The following GRIP1 variants were observed in gnomAD, a reference collection of about 807,000 sequenced individuals.
GRIP1 encodes glutamate receptor-interacting protein 1.
Under a neutral mutation model 129.9 loss-of-function variants are expected in GRIP1, and 45 were observed. The observed-to-expected ratio is 0.35, with a 90% confidence interval of 0.27 to 0.44. GRIP1 has a LOEUF of 0.44. GRIP1 is among the 20% of genes least tolerant of loss of function. The probability of loss-of-function intolerance (pLI) is 1.00; values close to 1 mark genes in which losing one functional copy is unlikely to be tolerated. For synonymous variants in GRIP1, 530 were observed against 520.8 expected (o/e 1.02, Z -0.24); for missense variants, 1,196 against 1,396.8 (o/e 0.86, Z 2.29).
chr12:66,910,123 A>G (rs1274672905), intron 1 of GRIP1, among the ~76,000 whole-genome samples: 1 of 152,152 alleles, frequency 6.6e-6, no homozygotes, highest in Admixed American at 6.6e-5. Flanking sequence ...AGCACATGAA[A>G]TATGAATTTC....
chr12:66,759,029 C>G (rs938133928), intron 1 of GRIP1, among the ~76,000 whole-genome samples: 2 of 152,200 alleles, frequency 1.3e-5, no homozygotes, highest in Admixed American at 1.3e-4. Flanking sequence ...GCTCTGCCCC[C>G]AGTAGGGACT....
chr12:66,521,966 A>T (rs1180893415), intron 5 of GRIP1, among the ~76,000 whole-genome samples: 2 of 152,062 alleles, frequency 1.3e-5, no homozygotes, highest in Non-Finnish European at 2.9e-5. Context: ...GGTGCCTGCC[A>T]TTGCCCAGGA....
intron 1 of GRIP1, among the ~76,000 whole-genome samples, chr12:67,034,444 A>T (rs974478081): frequency 1.3e-5 from 2 of 152,260 alleles, no homozygotes; most frequent in African/African-American, 2.4e-5. Flanking sequence ...ACAAACCCAT[A>T]CAGCCTGTTA....
At chr12:66,454,171 T>C (rs1565754899) in intron 11 of GRIP1, among the ~76,000 whole-genome samples, 1 of 151,980 alleles carries the variant, frequency 6.6e-6, no homozygotes, top group Non-Finnish European at 1.5e-5. Context: ...AGAAACTAGC[T>C]CCCAGTGTGG....
At position 66,946,771 on chromosome 12, in the gene GRIP1, GGT is replaced by G. The variant is rs1241820463; in HGVS notation, c.58+122277_58+122278del. On this transcript the variant is annotated intron_variant, in intron 1 of 1. Coordinates refer to the GRIP1 transcript ENST00000643019. ...CTTTGGGAGGCAGCGGGGGTCGGGG[GGT>G]GGGGTGGGGGATGGGGGGGGTGTGG... 2.2e-3 allele frequency among the ~76,000 whole-genome samples: 247 copies of G among 111,022 alleles called. 8 individuals are homozygous for G. The highest frequency in any genetic ancestry group is 0.02 in the East Asian group (54 of 2,714). 72.8% of individuals were successfully genotyped at this position (111,022 alleles called of 152,430 possible).
intron 2 of GRIP1, among the ~76,000 whole-genome samples, chr12:66,584,346 A>G (rs990717058): frequency 6.6e-5 from 10 of 152,042 alleles, no homozygotes; most frequent in Admixed American, 5.9e-4. Context: ...AGCATGGCAC[A>G]TGTATACATA....
chr12:66,892,179 G>A (rs2040671521), intron 1 of GRIP1, among the ~76,000 whole-genome samples: 1 of 152,114 alleles, frequency 6.6e-6, no homozygotes, highest in Non-Finnish European at 1.5e-5. Flanking sequence ...GGTAGTGACA[G>A]CTGGAGACTC....
At chr12:66,919,422 T>C (rs1183300700) in intron 1 of GRIP1, among the ~76,000 whole-genome samples, 1 of 152,184 alleles carries the variant, frequency 6.6e-6, no homozygotes, top group East Asian at 1.9e-4. Context: ...AAGAGCAAGG[T>C]GGATTCATTA....
Position 66,626,198 on chromosome 12 carries a change from G to C in GRIP1, c.56-29271C>G, listed in dbSNP as rs2140005819. The stretch of plus-strand genomic sequence containing the variant: ...AAAAACAAACAAAAACAATTGGCTA[G>C]CTATAGTGGCGTGCACCTGTGCTCC... On this transcript the variant is annotated intron_variant, in intron 1 of 24. Transcript: ENST00000359742. Among the ~76,000 whole-genome samples the C allele has an allele frequency of 2.0e-5, 3 of 152,140 alleles. No homozygotes were observed. In the South Asian group the frequency reaches 6.2e-4, roughly 32 times the overall value.
At chr12:66,549,373 C>A (rs1398053247) in intron 2 of GRIP1, among the ~76,000 whole-genome samples, 4 of 152,058 alleles carry the variant, frequency 2.6e-5, no homozygotes, top group Non-Finnish European at 5.9e-5. Context: ...TTAATTGTAC[C>A]AATGCCTTAG....
At chr12:66,864,867 G>C (rs1248911270) in intron 1 of GRIP1, among the ~76,000 whole-genome samples, 1 of 152,068 alleles carries the variant, frequency 6.6e-6, no homozygotes, top group Admixed American at 6.6e-5. Flanking sequence ...GAAATACATA[G>C]TCCACTGGCT....
chr12:66,408,328 A>C (rs1012574517), intron 15 of GRIP1, among the ~76,000 whole-genome samples: 5 of 151,980 alleles, frequency 3.3e-5, no homozygotes, highest in Non-Finnish European at 7.4e-5. Context: ...AAAATACAAA[A>C]GTTAGCCAGG....
chr12:66,744,608 G>A (rs2036888462), intron 1 of GRIP1, among the ~76,000 whole-genome samples: 1 of 152,100 alleles, frequency 6.6e-6, no homozygotes, highest in South Asian at 2.1e-4. Context: ...CAGACCTCCA[G>A]CTACATGTTA....
chr12:66,979,937 C>T (rs1387230527), intron 1 of GRIP1, among the ~76,000 whole-genome samples: 1 of 152,110 alleles, frequency 6.6e-6, no homozygotes, highest in Non-Finnish European at 1.5e-5. Flanking sequence ...TTTTGGACTT[C>T]TAACCTCCAG....
chr12:66,952,637 G>A (rs1950562087), intron 1 of GRIP1, among the ~76,000 whole-genome samples: 1 of 152,104 alleles, frequency 6.6e-6, no homozygotes, highest in African/African-American at 2.4e-5. Context: ...AACAAAATAT[G>A]AATGGCAGAA....
At chr12:66,527,593 G>A (rs2061295666) in intron 5 of GRIP1, among the ~76,000 whole-genome samples, 1 of 152,074 alleles carries the variant, frequency 6.6e-6, no homozygotes, top group Non-Finnish European at 1.5e-5. Context: ...GTTAATGGAT[G>A]CAGCACACCA....
At chr12:66,923,085 A>T (rs2041239695) in intron 1 of GRIP1, among the ~76,000 whole-genome samples, 1 of 152,184 alleles carries the variant, frequency 6.6e-6, no homozygotes, top group Admixed American at 6.5e-5. Context: ...CGAGAGAAAG[A>T]TGCACCTCTA....
chr12:66,633,231 G>A (rs991825558), intron 1 of GRIP1, among the ~76,000 whole-genome samples: 1 of 146,032 alleles, frequency 6.8e-6, no homozygotes. Context: ...ATATATATAT[G>A]AGTATTTTAT....
chr12:67,049,934 T>C (rs944690404), intron 1 of GRIP1, among the ~76,000 whole-genome samples: 1 of 151,716 alleles, frequency 6.6e-6, no homozygotes, highest in Non-Finnish European at 1.5e-5. Context: ...TTTGTTTTAA[T>C]TGGCATTTCT....
Sources: gnomAD v4.1 joint callset for allele counts (sites outside exome capture counted in the v4.1 genomes callset) on GRCh38, gnomAD v4.1.1 for gene constraint, MANE v1.5 for transcripts, NCBI Gene and HGNC (gene_info 2026-07-23, HGNC 2026-07-21) for gene names.